Variants in ST13 observed in about 807,000 individuals in gnomAD.
The protein encoded by ST13 is ST13 Hsp70 interacting protein, also known as hsc70-interacting protein.
ST13 carries 23 observed loss-of-function variants against 56.7 expected under a neutral mutation model. The ratio of observed to expected loss-of-function variants is 0.41; its 90% confidence interval spans 0.29 to 0.57. ST13 has a LOEUF of 0.57. ST13 is among the 20% of genes least tolerant of loss of function. The probability of loss-of-function intolerance (pLI) is 0.36; values close to 1 mark genes in which losing one functional copy is unlikely to be tolerated. For synonymous variants in ST13, 132 were observed against 142.4 expected (o/e 0.93, Z 0.52); for missense variants, 369 against 459.9 (o/e 0.80, Z 1.81).
At chr22:40,845,188 T>C (rs1303454625) in intron 3 of ST13, among the ~76,000 whole-genome samples, 1 of 152,222 alleles carries the variant, frequency 6.6e-6, no homozygotes, top group Non-Finnish European at 1.5e-5. Flanking sequence ...GATTTAGTCA[T>C]TGTATATAAA....
chr22:40,853,171 G>A (rs1354829808), intron 1 of ST13, among the ~76,000 whole-genome samples: 4 of 152,126 alleles, frequency 2.6e-5, no homozygotes, highest in African/African-American at 9.7e-5. Context: ...GGATTAGATA[G>A]CATAAATGCA....
intron 11 of ST13, 111 bp from the exon 12 acceptor site, chr22:40,826,777 A>G: frequency 7.6e-7 from 1 of 1,314,800 alleles, no homozygotes; most frequent in Non-Finnish European, 1.1e-6. Flanking sequence ...TAGTTAAGTT[A>G]AATGGGGTTT....
intron 5 of ST13, among the ~76,000 whole-genome samples, chr22:40,839,412 G>GT (rs1034721795): frequency 2.0e-4 from 30 of 152,290 alleles, no homozygotes; most frequent in Non-Finnish European, 4.3e-4. Context: ...AGCAGCCACA[G>GT]TACCCAAGTT....
At chr22:40,829,968 A>G (rs1426301063) in intron 9 of ST13, among the ~76,000 whole-genome samples, 1 of 152,228 alleles carries the variant, frequency 6.6e-6, no homozygotes, top group African/African-American at 2.4e-5. Context: ...CCTGGCTTTA[A>G]AACACCCATA....
chr22:40,851,024 G>A (rs1738119642), intron 1 of ST13, 144 bp from the exon 2 acceptor site: 1 of 604,522 alleles, frequency 1.7e-6, no homozygotes, highest in East Asian at 3.0e-5. Flanking sequence ...TAATCTGAAT[G>A]CTGTGGTATT....
chr22:40,836,019 T>G (rs1358691290), intron 5 of ST13, 132 bp from the exon 6 acceptor site: 1 of 711,992 alleles, frequency 1.4e-6, no homozygotes, highest in Non-Finnish European at 2.2e-6. Context: ...ACAACTAAGT[T>G]ATACTAAAAC....
At chr22:40,827,723 ACTC>A (rs1200897697) in intron 10 of ST13, among the ~76,000 whole-genome samples, 4 of 151,532 alleles carry the variant, frequency 2.6e-5, no homozygotes, top group Non-Finnish European at 4.4e-5. Context: ...CCGCTCTTGA[ACTC>A]CTGACCCCAG....
chr22:40,847,568 A>G (rs1054129293), intron 3 of ST13, among the ~76,000 whole-genome samples: 3 of 151,844 alleles, frequency 2.0e-5, no homozygotes, highest in African/African-American at 7.3e-5. Context: ...AAAAAAAAAA[A>G]AAAAAGAAAA....
intron 5 of ST13, among the ~76,000 whole-genome samples, chr22:40,839,813 A>G (rs937719312): frequency 4.0e-5 from 6 of 151,586 alleles, no homozygotes; most frequent in Non-Finnish European, 8.8e-5. Flanking sequence ...AAAGAAAAAA[A>G]TAATAACCTA....
intron 1 of ST13, among the ~76,000 whole-genome samples, chr22:40,851,869 C>G (rs1195093840): frequency 6.6e-6 from 1 of 152,078 alleles, no homozygotes; most frequent in African/African-American, 2.4e-5. Flanking sequence ...CCTCAGCCTC[C>G]CAAGTAGCTG....
chr22:40,831,047 C>A, intron 8 of ST13, 91 bp from the exon 9 acceptor site: 1 of 823,088 alleles, frequency 1.2e-6, no homozygotes, highest in Non-Finnish European at 2.0e-6. Context: ...TTTAATTCAA[C>A]ATGCAGTTCA....
intron 3 of ST13, among the ~76,000 whole-genome samples, chr22:40,845,669 A>T (rs981812234): frequency 6.4e-4 from 97 of 152,126 alleles, no homozygotes; most frequent in African/African-American, 2.3e-3. Flanking sequence ...GTCATTTAAC[A>T]GTTGTCAGTT....
At chr22:40,850,271 C>A (rs529181057) in intron 2 of ST13, among the ~76,000 whole-genome samples, 20 of 152,224 alleles carry the variant, frequency 1.3e-4, no homozygotes, top group African/African-American at 4.8e-4. Context: ...AAAGAAAAAA[C>A]AAACAAATAA....
chr22:40,850,001 A>G (rs2057853257), intron 2 of ST13, among the ~76,000 whole-genome samples: 1 of 151,740 alleles, frequency 6.6e-6, no homozygotes, highest in African/African-American at 2.4e-5. Context: ...ATGGTGGCTC[A>G]CGCCTTAGTC....
intron 7 of ST13, among the ~76,000 whole-genome samples, chr22:40,834,514 T>C (rs1434615362): frequency 6.6e-6 from 1 of 152,192 alleles, no homozygotes; most frequent in Non-Finnish European, 1.5e-5. Flanking sequence ...AAAATATCAG[T>C]ATAAACTCAC....
intron 1 of ST13, among the ~76,000 whole-genome samples, chr22:40,851,626 G>C (rs1359131059): frequency 6.6e-6 from 1 of 151,978 alleles, no homozygotes; most frequent in African/African-American, 2.4e-5. Context: ...ATAGACTTAA[G>C]AGCACTCCAC....
chr22:40,844,907 T>C lies in ST13; in HGVS notation c.247A>G (p.Ile83Val), dbSNP rs140946678. The C allele has an allele frequency of 9.3e-6, 15 of 1,612,200 alleles. No individual in the cohort carries two copies. In the African/African-American group the frequency reaches 2.0e-4, roughly 22 times the overall value. ...GGTTCAATCACACCTTCTTTATCAATTTCTGCCAAAGTCGAGAAAATGACA... is the reference window on the plus strand; with the variant it reads ...GGTTCAATCACACCTTCTTTATCAACTTCTGCCAAAGTCGAGAAAATGACA... ...EPSSEESDLE[I>V]DKEGVIEPDT... The change falls in exon 4 of 12, where the codon ATT (isoleucine) becomes GTT (valine). Residue 83 changes from isoleucine (I) to valine (V), a missense_variant and splice_region_variant. Coordinates refer to ENST00000216218, the MANE Select transcript of ST13 (RefSeq NM_003932.5).
At chr22:40,850,541 G>C (rs554534364) in intron 2 of ST13, among the ~76,000 whole-genome samples, 6 of 152,294 alleles carry the variant, frequency 3.9e-5, no homozygotes, top group African/African-American at 1.4e-4. Flanking sequence ...GACTACGGAT[G>C]CACACCATCA....
chr22:40,840,454 G>C (rs921339189), intron 5 of ST13, among the ~76,000 whole-genome samples, 172 bp downstream of exon 5: 1 of 151,900 alleles, frequency 6.6e-6, no homozygotes, highest in Non-Finnish European at 1.5e-5. Context: ...TCCTTGCAGA[G>C]AGAAGTGATT....
Sources: allele counts gnomAD v4.1 joint callset (sites outside exome capture counted in the v4.1 genomes callset), GRCh38; gene constraint gnomAD v4.1.1; transcripts MANE v1.5; gene names NCBI Gene and HGNC (gene_info 2026-07-23, HGNC 2026-07-21).